Variants in CSMD1 observed in about 807,000 individuals in gnomAD.
CSMD1 encodes CUB and sushi domain-containing protein 1.
A neutral mutation model predicts 417.5 loss-of-function variants in CSMD1; 213 were observed. The ratio of observed to expected loss-of-function variants is 0.51; its 90% CI spans 0.46 to 0.57. CSMD1 has a LOEUF of 0.57. Ranked by LOEUF, CSMD1 falls within the 20% of genes least tolerant of loss-of-function variation. The probability of loss-of-function intolerance (pLI) is 0.00; values close to 1 mark genes in which losing one functional copy is unlikely to be tolerated. For missense variants in CSMD1, 6,923 were observed against 4,529.7 expected (o/e 1.53, Z -15.17); for synonymous variants, 2,862 against 1,736.8 (o/e 1.65, Z -16.11).
chr8:4,006,699 C>G (rs963618912), intron 4 of CSMD1, among the ~76,000 whole-genome samples: 1 of 152,126 alleles, frequency 6.6e-6, no homozygotes, highest in Non-Finnish European at 1.5e-5. Context: ...ATGGCAATGT[C>G]AGAATATCTG....
chr8:4,136,318 C>G (rs1288360441), intron 3 of CSMD1, among the ~76,000 whole-genome samples: 2 of 152,190 alleles, frequency 1.3e-5, no homozygotes, highest in South Asian at 4.1e-4. Flanking sequence ...GATTTTATCA[C>G]TATCTTGATC....
intron 18 of CSMD1, among the ~76,000 whole-genome samples, chr8:3,384,780 T>TAATTTATATA: frequency 8.2e-6 from 1 of 121,670 alleles, no homozygotes. Flanking sequence ...TATATTTATA[T>TAATTTATATA]AATATATATT....
intron 40 of CSMD1, among the ~76,000 whole-genome samples, chr8:3,146,351 A>C (rs1449145044): frequency 1.3e-5 from 2 of 152,128 alleles, no homozygotes; most frequent in African/African-American, 4.8e-5. Context: ...AAAATGGCAC[A>C]CAACTATCAG....
intron 7 of CSMD1, among the ~76,000 whole-genome samples, chr8:3,692,692 A>C (rs2449085): frequency 6.6e-6 from 1 of 152,122 alleles, no homozygotes; most frequent in African/African-American, 2.4e-5. Flanking sequence ...CTCGGCCTCC[A>C]GAAGTGCTGG....
intron 1 of CSMD1, among the ~76,000 whole-genome samples, chr8:4,700,172 A>C (rs1486033324): frequency 6.6e-6 from 1 of 152,158 alleles, no homozygotes; most frequent in Non-Finnish European, 1.5e-5. Context: ...TATTCAGTTC[A>C]TGTTTATGAA....
chr8:3,754,647 G>C (rs934879423), intron 5 of CSMD1, among the ~76,000 whole-genome samples: 80 of 152,110 alleles, frequency 5.3e-4, no homozygotes, highest in Non-Finnish European at 9.3e-4. Flanking sequence ...TAGAGACAAG[G>C]TTTTGCCGTG....
At chr8:2,949,198 T>C (rs1802453374) in intron 68 of CSMD1, 101 bp downstream of exon 68, 2 of 666,100 alleles carry the variant, frequency 3.0e-6, no homozygotes, top group South Asian at 1.8e-5. Flanking sequence ...ATTATTTTTG[T>C]TTAGGTTTCT....
chr8:4,246,923 G>C (rs574412553), intron 3 of CSMD1, among the ~76,000 whole-genome samples: 6 of 152,138 alleles, frequency 3.9e-5, no homozygotes, highest in Admixed American at 6.5e-5. Flanking sequence ...AAAAATCTTT[G>C]TAAGAGAGAA....
chr8:3,505,423 T>C (rs963182022), intron 10 of CSMD1, among the ~76,000 whole-genome samples: 11 of 152,108 alleles, frequency 7.2e-5, no homozygotes, highest in African/African-American at 2.7e-4. Flanking sequence ...GGGCGCAGAA[T>C]CAATAATTAG....
intron 3 of CSMD1, among the ~76,000 whole-genome samples, chr8:4,341,993 C>A (rs936803188): frequency 2.0e-5 from 3 of 152,084 alleles, no homozygotes; most frequent in Non-Finnish European, 4.4e-5. Flanking sequence ...GCCTTATTTC[C>A]ACCATGCAGT....
At chr8:3,444,602 TC>T (rs1470286011) in intron 12 of CSMD1, among the ~76,000 whole-genome samples, 28 of 152,126 alleles carry the variant, frequency 1.8e-4, no homozygotes, top group Admixed American at 1.2e-3. Flanking sequence ...CCAATGATGC[TC>T]CTAAAAACCT....
At chr8:3,103,617 G>A (rs1312387683) in intron 46 of CSMD1, among the ~76,000 whole-genome samples, 1 of 151,988 alleles carries the variant, frequency 6.6e-6, no homozygotes, top group Non-Finnish European at 1.5e-5. Flanking sequence ...TTATCTACAC[G>A]GTCTGTCACG....
At chr8:4,548,365 C>T (rs997076498) in intron 2 of CSMD1, among the ~76,000 whole-genome samples, 19 of 152,136 alleles carry the variant, frequency 1.2e-4, no homozygotes, top group Admixed American at 9.2e-4. Flanking sequence ...CGTATTTTGT[C>T]GTTCATTGAA....
At chr8:4,795,609 C>G (rs1391008265) in intron 1 of CSMD1, among the ~76,000 whole-genome samples, 1 of 151,888 alleles carries the variant, frequency 6.6e-6, no homozygotes, top group Non-Finnish European at 1.5e-5. Context: ...CTTCTTTAAC[C>G]ATAACAACAC....
intron 37 of CSMD1, among the ~76,000 whole-genome samples, chr8:3,179,221 AG>A (rs1237583365): frequency 6.6e-6 from 1 of 152,128 alleles, no homozygotes; most frequent in Non-Finnish European, 1.5e-5. Context: ...CTGGGATTAC[AG>A]GCGTGAGCCA....
intron 53 of CSMD1, 67 bp downstream of exon 53, chr8:2,999,891 C>T (rs1807246290): frequency 7.1e-7 from 1 of 1,406,394 alleles, no homozygotes; most frequent in Non-Finnish European, 9.8e-7. Context: ...TATATTGTGA[C>T]CTAATAACAA....
At chr8:3,686,493 A>T (rs1258913620) in intron 7 of CSMD1, among the ~76,000 whole-genome samples, 1 of 151,978 alleles carries the variant, frequency 6.6e-6, no homozygotes, top group African/African-American at 2.4e-5. Flanking sequence ...AAAGACGCTT[A>T]AAAAAAAGCC....
At chr8:3,256,339 GGAAA>G (rs1008781006) in intron 26 of CSMD1, among the ~76,000 whole-genome samples, 13 of 145,986 alleles carry the variant, frequency 8.9e-5, no homozygotes, top group African/African-American at 3.0e-4. Context: ...AAGAAAGGAA[GGAAA>G]GAAAGGAAGG....
chr8:4,625,575 T>C (rs1802049628), intron 2 of CSMD1, among the ~76,000 whole-genome samples: 1 of 152,078 alleles, frequency 6.6e-6, no homozygotes, highest in Admixed American at 6.6e-5. Flanking sequence ...CCCCTGGCTC[T>C]CCTGTATACA....
Sources: allele counts gnomAD v4.1 joint callset (sites outside exome capture counted in the v4.1 genomes callset), GRCh38; gene constraint gnomAD v4.1.1; transcripts MANE v1.5; gene names NCBI Gene and HGNC (gene_info 2026-07-23, HGNC 2026-07-21).